ACER1: variants seen among roughly 807,000 people sequenced by gnomAD.
ACER1 encodes the protein CTB-180A7.3.
Under a neutral mutation model 24.9 loss-of-function variants are expected in ACER1, and 28 were observed. That is an observed-to-expected ratio of 1.13 (90% CI 0.83 to 1.54). The LOEUF is 1.54. ACER1 is among the 40% of genes most tolerant of loss of function. The pLI is 0.00. For missense variants in ACER1, 352 were observed against 349.3 expected, an observed-to-expected ratio of 1.01 and a Z score of -0.06; for synonymous variants, 132 against 131.4, an observed-to-expected ratio of 1.00 and a Z score of -0.03.
chr19:6,337,657 C>G (rs368693805), upstream of ACER1, among the ~76,000 whole-genome samples: 1 of 51,036 alleles, frequency 2.0e-5, no homozygotes, highest in South Asian at 7.5e-4. Context: ...TTCTTTCTTT[C>G]TTTCTTTTTT....
intron 3 of ACER1, among the ~76,000 whole-genome samples, chr19:6,310,330 G>A (rs184572152): frequency 3.1e-4 from 46 of 148,472 alleles, no homozygotes; most frequent in Non-Finnish European, 4.9e-4. Flanking sequence ...CTCGTGATCC[G>A]CCCGCCTCGG....
the ACER1 span, among the ~76,000 whole-genome samples, chr19:6,342,927 G>A: frequency 3.3e-5 from 5 of 151,710 alleles, no homozygotes; most frequent in South Asian, 2.1e-4. Context: ...ACAGGCACCC[G>A]CCACTGTGCC....
chr19:6,324,195 C>T (rs984530759), intron 1 of ACER1, among the ~76,000 whole-genome samples: 1 of 151,744 alleles, frequency 6.6e-6, no homozygotes, highest in Admixed American at 6.6e-5. Context: ...TAGGTGTGAG[C>T]CACCACGCCT....
At chr19:6,359,007 G>A in the ACER1 span, among the ~76,000 whole-genome samples, 5 of 151,710 alleles carry the variant, frequency 3.3e-5, no homozygotes, top group East Asian at 7.7e-4. Flanking sequence ...TGAGGCAGGA[G>A]GATCACTTAA....
chr19:6,316,644 C>T (rs2145003765), intron 1 of ACER1, among the ~76,000 whole-genome samples: 1 of 151,912 alleles, frequency 6.6e-6, no homozygotes, highest in East Asian at 2.0e-4. Context: ...CATGGTGAAA[C>T]CTTGCCTCTA....
chr19:6,329,214 C>T (rs577109861), intron 1 of ACER1, among the ~76,000 whole-genome samples: 2 of 151,882 alleles, frequency 1.3e-5, no homozygotes, highest in South Asian at 4.2e-4. Flanking sequence ...CCCACTCCAC[C>T]CTTTTGAACT....
At chr19:6,340,133 T>C in the ACER1 span, among the ~76,000 whole-genome samples, 3 of 151,142 alleles carry the variant, frequency 2.0e-5, no homozygotes, top group Non-Finnish European at 4.4e-5. Flanking sequence ...AAAATAAAAT[T>C]AGCCAGGCGT....
intron 3 of ACER1, among the ~76,000 whole-genome samples, chr19:6,310,151 G>T (rs533278347): frequency 6.6e-6 from 1 of 151,874 alleles, no homozygotes; most frequent in Non-Finnish European, 1.5e-5. Flanking sequence ...GCAGCAGTGC[G>T]ATCTGGGCTC....
intron 1 of ACER1, among the ~76,000 whole-genome samples, chr19:6,321,383 C>T (rs747024273): frequency 2.0e-5 from 3 of 152,170 alleles, no homozygotes; most frequent in Non-Finnish European, 4.4e-5. Flanking sequence ...TCAACTGATC[C>T]ACCTGTCTCA....
At chr19:6,349,351 G>A in the ACER1 span, among the ~76,000 whole-genome samples, 2 of 146,978 alleles carry the variant, frequency 1.4e-5, no homozygotes, top group Non-Finnish European at 3.0e-5. Context: ...AAAGAAGAAA[G>A]GAAAAGAGGG....
At chr19:6,326,142 T>A (rs1430522990) in intron 1 of ACER1, among the ~76,000 whole-genome samples, 1 of 143,690 alleles carries the variant, frequency 7.0e-6, no homozygotes, top group Admixed American at 6.9e-5. Context: ...TTTTTTTTTT[T>A]AAAGACGGAG....
At position 6,312,208 on chromosome 19, in the gene ACER1, G is replaced by A; in HGVS notation, c.291C>T (p.Gly97=). 6.2e-7 allele frequency: 1 copy of A among 1,614,040 alleles called. No individual in the cohort carries two copies. ...LDEIAILWLL[G]SGYSIWMPRC... The stretch of plus-strand genomic sequence containing the variant: ...GGGGCATCCATATGCTATAGCCACT[G>A]CCCAGGAGCCACAGGATGGCGATCT... The change falls in exon 3 of 6, where the codon GGC becomes GGT. Residue 97 remains glycine, a synonymous_variant. Coordinates refer to ENST00000301452, the MANE Select transcript of ACER1 (RefSeq NM_133492.3).
intron 1 of ACER1, among the ~76,000 whole-genome samples, chr19:6,322,462 C>A (rs918417057): frequency 2.6e-5 from 4 of 152,090 alleles, no homozygotes; most frequent in African/African-American, 9.7e-5. Flanking sequence ...TCCCCAAACT[C>A]CTACCCCACT....
intron 3 of ACER1, among the ~76,000 whole-genome samples, chr19:6,311,047 G>A (rs911874030): frequency 1.3e-5 from 2 of 151,918 alleles, no homozygotes; most frequent in African/African-American, 4.8e-5. Context: ...GCCTGGGAGA[G>A]CGTGATGGTT....
the ACER1 span, among the ~76,000 whole-genome samples, chr19:6,341,062 C>G: frequency 1.3e-5 from 2 of 151,952 alleles, no homozygotes; most frequent in South Asian, 4.1e-4. Context: ...TGTTCTCCAC[C>G]TTCACAGCCA....
intron 1 of ACER1, among the ~76,000 whole-genome samples, chr19:6,326,795 A>G (rs2145014887): frequency 6.6e-6 from 1 of 152,250 alleles, no homozygotes; most frequent in South Asian, 2.1e-4. Context: ...TTGATTGAAT[A>G]AATGAATGAG....
the ACER1 span, among the ~76,000 whole-genome samples, chr19:6,358,426 G>A: frequency 4.6e-5 from 7 of 152,148 alleles, no homozygotes; most frequent in Non-Finnish European, 7.4e-5. Flanking sequence ...TCTCCCCATC[G>A]GACTGCAGTC....
chr19:6,335,872 T>C (rs2145024893), upstream of ACER1, among the ~76,000 whole-genome samples: 1 of 151,070 alleles, frequency 6.6e-6, no homozygotes. Context: ...ACTATTGTTA[T>C]CCCTTTTCTT....
chr19:6,310,890 A>T (rs1253900427), intron 3 of ACER1, among the ~76,000 whole-genome samples: 1 of 151,576 alleles, frequency 6.6e-6, no homozygotes, highest in East Asian at 1.9e-4. Flanking sequence ...AAAAAAAAAA[A>T]AAAGAAGAAG....
Sources: allele counts gnomAD v4.1 joint callset (sites outside exome capture counted in the v4.1 genomes callset), GRCh38; gene constraint gnomAD v4.1.1; transcripts MANE v1.5; gene names NCBI Gene and HGNC (gene_info 2026-07-23, HGNC 2026-07-21).